Variants in SGCD observed in about 807,000 individuals in gnomAD.
SGCD encodes sarcoglycan delta, also known as delta-sarcoglycan.
Under a neutral mutation model 36.6 loss-of-function variants are expected in SGCD, and 18 were observed. That is an observed-to-expected ratio of 0.49 (90% CI 0.34 to 0.73). The LOEUF is 0.73. Among genes scored for constraint, SGCD ranks in the 30% least tolerant of loss-of-function variants. The pLI is 0.01. For missense variants in SGCD, 387 were observed against 346.7 expected (o/e 1.12, Z -0.92); for synonymous variants, 133 against 130.6 (o/e 1.02, Z -0.12).
intron 3 of SGCD, among the ~76,000 whole-genome samples, chr5:156,349,427 G>A (rs1769119403): frequency 6.6e-6 from 1 of 151,670 alleles, no homozygotes; most frequent in African/African-American, 2.4e-5. Context: ...TCATTAAAAA[G>A]TGGGCAAATG....
intron 3 of SGCD, among the ~76,000 whole-genome samples, chr5:156,147,642 G>A (rs1015091458): frequency 3.3e-5 from 5 of 152,184 alleles, no homozygotes; most frequent in Non-Finnish European, 2.9e-5. Context: ...TCTTTATAAT[G>A]CAGAAACAAG....
At chr5:155,761,616 CTCA>C in the SGCD span, among the ~76,000 whole-genome samples, 1 of 142,800 alleles carries the variant, frequency 7.0e-6, no homozygotes, top group Non-Finnish European at 1.5e-5. Flanking sequence ...CTCCATCATC[CTCA>C]TCATCACTCT....
the SGCD span, among the ~76,000 whole-genome samples, chr5:155,823,113 T>TCTATCTATCTAC: frequency 2.7e-5 from 4 of 147,328 alleles, no homozygotes; most frequent in East Asian, 8.1e-4. Context: ...TATCTATCTA[T>TCTATCTATCTAC]CTGGCTAGCT....
intron 3 of SGCD, among the ~76,000 whole-genome samples, chr5:156,166,750 C>T (rs1239396737): frequency 6.6e-6 from 1 of 152,194 alleles, no homozygotes; most frequent in Non-Finnish European, 1.5e-5. Flanking sequence ...TTTTAGACAA[C>T]TTTGGACTTT....
At chr5:156,510,365 A>G (rs557824977) in intron 4 of SGCD, among the ~76,000 whole-genome samples, 1 of 152,286 alleles carries the variant, frequency 6.6e-6, no homozygotes, top group South Asian at 2.1e-4. Context: ...CAGAATAGAG[A>G]CAGTTTAAAG....
intron 1 of SGCD, among the ~76,000 whole-genome samples, chr5:155,926,239 C>A (rs919515004): frequency 6.6e-6 from 1 of 152,190 alleles, no homozygotes; most frequent in Non-Finnish European, 1.5e-5. Context: ...CTATTTCTGG[C>A]ATGAAAGATT....
intron 2 of SGCD, among the ~76,000 whole-genome samples, chr5:156,344,028 A>C (rs1465313740): frequency 6.6e-6 from 1 of 150,878 alleles, no homozygotes; most frequent in African/African-American, 2.5e-5. Flanking sequence ...ATACAGAATG[A>C]TAGTGTTCAA....
chr5:156,489,148 C>G (rs1196676017), intron 3 of SGCD, among the ~76,000 whole-genome samples: 2 of 151,912 alleles, frequency 1.3e-5, no homozygotes, highest in Non-Finnish European at 2.9e-5. Context: ...TATATAATTA[C>G]AAAAGGATCA....
chr5:156,704,788 C>T (rs139037176), intron 7 of SGCD, among the ~76,000 whole-genome samples: 10 of 151,924 alleles, frequency 6.6e-5, no homozygotes, highest in Admixed American at 2.0e-4. Flanking sequence ...ATTAGCTGCA[C>T]ATTTTCCCTC....
chr5:156,505,490 A>C (rs1045128979), intron 3 of SGCD, among the ~76,000 whole-genome samples: 3 of 152,214 alleles, frequency 2.0e-5, no homozygotes, highest in African/African-American at 7.2e-5. Context: ...AATGGCAGAC[A>C]GAAGAAGCTG....
intron 3 of SGCD, among the ~76,000 whole-genome samples, chr5:156,294,750 TC>T (rs1766851608): frequency 6.6e-6 from 1 of 152,226 alleles, no homozygotes; most frequent in Non-Finnish European, 1.5e-5. Context: ...ATGTGGTTCC[TC>T]CTGCTTCATT....
At chr5:156,636,344 A>C (rs1762827872) in intron 6 of SGCD, among the ~76,000 whole-genome samples, 1 of 152,186 alleles carries the variant, frequency 6.6e-6, no homozygotes, top group South Asian at 2.1e-4. Context: ...TTTCTGGCTT[A>C]AGTAAAATAG....
At chr5:156,197,563 C>A (rs1764051731) in intron 3 of SGCD, among the ~76,000 whole-genome samples, 1 of 143,404 alleles carries the variant, frequency 7.0e-6, no homozygotes, top group African/African-American at 2.6e-5. Context: ...TGATTAATAA[C>A]AAAGGGAGAG....
At chr5:156,146,633 G>A (rs1762715453) in intron 3 of SGCD, among the ~76,000 whole-genome samples, 1 of 152,208 alleles carries the variant, frequency 6.6e-6, no homozygotes, top group Non-Finnish European at 1.5e-5. Context: ...TGGAGGGGAA[G>A]TGGATTTTGC....
intron 3 of SGCD, among the ~76,000 whole-genome samples, chr5:156,145,277 G>A (rs1300989196): frequency 3.9e-5 from 6 of 152,118 alleles, no homozygotes; most frequent in Admixed American, 1.3e-4. Context: ...GTGAAGTTCT[G>A]GCTCCCCCTT....
intron 6 of SGCD, among the ~76,000 whole-genome samples, chr5:156,636,942 A>G (rs750306890): frequency 2.2e-4 from 33 of 152,148 alleles, no homozygotes; most frequent in Admixed American, 9.2e-4. Flanking sequence ...GGTCTCAAAT[A>G]AATAATAAGT....
chr5:156,338,951 G>A (rs558149902), intron 2 of SGCD, among the ~76,000 whole-genome samples: 1 of 62,904 alleles, frequency 1.6e-5, no homozygotes, highest in East Asian at 1.2e-3. Context: ...TTAATATCAA[G>A]TCTTGACTCT....
intron 1 of SGCD, among the ~76,000 whole-genome samples, chr5:156,039,526 C>T (rs1759584993): frequency 6.6e-6 from 1 of 152,058 alleles, no homozygotes; most frequent in African/African-American, 2.4e-5. Context: ...TAATAAAGTA[C>T]AGGCACATGG....
intron 4 of SGCD, among the ~76,000 whole-genome samples, chr5:156,581,655 C>T (rs1760262186): frequency 6.6e-6 from 1 of 152,210 alleles, no homozygotes; most frequent in African/African-American, 2.4e-5. Context: ...TGCCAGGCTG[C>T]TGCCTCGCAG....
Sources: allele counts gnomAD v4.1 joint callset (sites outside exome capture counted in the v4.1 genomes callset), GRCh38; gene constraint gnomAD v4.1.1; transcripts MANE v1.5; gene names NCBI Gene and HGNC (gene_info 2026-07-23, HGNC 2026-07-21).